The following C6 variants were observed in gnomAD, a reference collection of about 807,000 sequenced individuals.
C6 encodes the protein complement component C6.
In C6, 101 loss-of-function variants were observed where a neutral mutation model predicts 112.9. That is an observed-to-expected ratio of 0.89 (90% CI 0.76 to 1.06). The LOEUF (loss-of-function observed/expected upper bound fraction) is 1.06, where lower values mean the gene tolerates loss of function less well. Among genes scored for constraint, C6 ranks in the 50% least tolerant of loss-of-function variants. The probability of loss-of-function intolerance (pLI) is 0.00; values close to 1 mark genes in which losing one functional copy is unlikely to be tolerated. For missense variants in C6, 1,202 were observed against 1,104.6 expected, an observed-to-expected ratio of 1.09 and a Z score of -1.25; for synonymous variants, 431 against 384.1, an observed-to-expected ratio of 1.12 and a Z score of -1.43.
intron 1 of C6, among the ~76,000 whole-genome samples, chr5:41,225,845 A>T (rs1412629467): frequency 1.4e-4 from 22 of 152,210 alleles, no homozygotes; most frequent in Admixed American, 2.0e-4. Flanking sequence ...AAAACAAGCA[A>T]TGGGGAAAGG....
chr5:41,191,499 G>T (rs1002843176), intron 5 of C6, among the ~76,000 whole-genome samples: 16 of 152,002 alleles, frequency 1.1e-4, no homozygotes, highest in Admixed American at 2.0e-4. Context: ...AGATTGCTTC[G>T]GGCAGTTGAG....
chr5:41,203,591 C>A (rs185900229), intron 1 of C6: 2 of 265,076 alleles, frequency 7.5e-6, no homozygotes, highest in Admixed American at 9.4e-5. Context: ...TCTCAAAACA[C>A]CTGCTCCTTT....
At chr5:41,245,436 C>T (rs1740961049) in intron 1 of C6, among the ~76,000 whole-genome samples, 2 of 151,984 alleles carry the variant, frequency 1.3e-5, no homozygotes, top group African/African-American at 2.4e-5. Flanking sequence ...GCAGGAGAAT[C>T]GCTTGAACTC....
chr5:41,155,935 C>T (rs542343850), intron 13 of C6, among the ~76,000 whole-genome samples: 1 of 151,996 alleles, frequency 6.6e-6, no homozygotes, highest in Non-Finnish European at 1.5e-5. Context: ...GAGTGCAGAT[C>T]ATTTAAAAAT....
At chr5:41,157,130 C>T (rs2150254043) in intron 13 of C6, among the ~76,000 whole-genome samples, 1 of 152,194 alleles carries the variant, frequency 6.6e-6, no homozygotes, top group South Asian at 2.1e-4. Context: ...AATTTTATTA[C>T]ATTTGAGTAA....
chr5:41,216,564 C>T (rs1441664348), upstream of C6, among the ~76,000 whole-genome samples: 1 of 152,080 alleles, frequency 6.6e-6, no homozygotes, highest in Non-Finnish European at 1.5e-5. Context: ...CATCATATCA[C>T]AGAGATCACA....
intron 12 of C6, 35 bp downstream of exon 12, chr5:41,159,047 A>G (rs1479465197): frequency 1.9e-6 from 3 of 1,610,928 alleles, no homozygotes; most frequent in Non-Finnish European, 2.5e-6. Context: ...GAGTTAGGGC[A>G]AAATGACCCA....
chr5:41,233,119 A>G (rs933937417), intron 1 of C6, among the ~76,000 whole-genome samples: 5 of 152,058 alleles, frequency 3.3e-5, no homozygotes, highest in Non-Finnish European at 4.4e-5. Flanking sequence ...ACATTTATTC[A>G]TATAAAGTTT....
intron 1 of C6, among the ~76,000 whole-genome samples, chr5:41,259,790 A>C (rs1741931915): frequency 6.6e-6 from 1 of 152,176 alleles, no homozygotes; most frequent in South Asian, 2.1e-4. Context: ...TATCTCCCAA[A>C]TGTCGTACCT....
chr5:41,181,534 T>C lies in C6; in HGVS notation c.752A>G (p.Lys251Arg), dbSNP rs775365394. The change falls in exon 7 of 18, where the codon AAA becomes AGA. Residue 251 changes from lysine (K) to arginine (R), a missense_variant. Physicochemically the swap from Lys to Arg is conservative, Grantham distance 26. Transcript: ENST00000337836. The stretch of plus-strand genomic sequence containing the variant: ...AGTTAAATCCTTGTAGAAATCTGTT[T>C]TCAAGTCATCTTCTGCAGTTTGTAC... ...FEVQTAEDDLKTDFYKDLTSL... is the reference protein window; with the variant it reads ...FEVQTAEDDLRTDFYKDLTSL... The C allele has an allele frequency of 8.1e-6, 13 of 1,613,480 alleles. No homozygotes were observed. Among genetic ancestry groups the C allele is most frequent in the Non-Finnish European group, 3.4e-6 (4 of 1,179,756 alleles).
chr5:41,250,854 A>C (rs1741309431), intron 1 of C6, among the ~76,000 whole-genome samples: 1 of 152,216 alleles, frequency 6.6e-6, no homozygotes, highest in Non-Finnish European at 1.5e-5. Context: ...TTTATTATTT[A>C]GTAGGAAAGA....
chr5:41,176,612 T>C lies in C6; in HGVS notation c.1031A>G (p.His344Arg). ...AGCAGAGTTGTATTCTAGAGGCAGA[T>C]GGTTAAGTGCTTTCAAAAAGACATC... is the stretch of plus-strand genomic sequence containing the variant. Reference protein sequence around the residue: ...LSDVFLKALNHLPLEYNSALY... With the variant: ...LSDVFLKALNRLPLEYNSALY... The change falls in exon 8 of 18, where the codon CAT becomes CGT. Residue 344 changes from histidine to arginine, a missense_variant. Coordinates refer to ENST00000337836, the MANE Select transcript of C6 (RefSeq NM_000065.5). 4.3e-6 allele frequency: 7 copies of C among 1,613,932 alleles called. No homozygotes were observed. The highest frequency in any genetic ancestry group is 5.9e-6 in the Non-Finnish European group (7 of 1,179,886).
chr5:41,202,324 T>C lies in C6; in HGVS notation c.144-610A>G, dbSNP rs1449638290. 1.3e-5 allele frequency among the ~76,000 whole-genome samples: 2 copies of C among 152,180 alleles called. 1 individual carries two copies. The highest frequency in any genetic ancestry group is 2.9e-5 in the Non-Finnish European group (2 of 68,038). On this transcript the variant is annotated intron_variant, in intron 2 of 17. Coordinates refer to ENST00000337836, the MANE Select transcript of C6 (RefSeq NM_000065.5). ...TGTGTGACTGGCCAGGAATATTTGC[T>C]GTTCTTTTTAGGCAGCAGGGAGCTA...
At chr5:41,177,334 A>G (rs939700434) in intron 7 of C6, among the ~76,000 whole-genome samples, 44 of 152,318 alleles carry the variant, frequency 2.9e-4, no homozygotes, top group African/African-American at 1.0e-3. Context: ...CCATATGCAG[A>G]AATATATGAG....
chr5:41,249,368 C>G (rs1201443381), intron 1 of C6, among the ~76,000 whole-genome samples: 1 of 151,716 alleles, frequency 6.6e-6, no homozygotes, highest in Non-Finnish European at 1.5e-5. Context: ...CTTTTTTTCC[C>G]AATAGTTAAA....
chr5:41,191,759 C>A (rs1580155810), intron 5 of C6, among the ~76,000 whole-genome samples: 1 of 148,514 alleles, frequency 6.7e-6, no homozygotes, highest in Non-Finnish European at 1.5e-5. Context: ...GTGTATCCTG[C>A]AACTTTACTG....
At chr5:41,245,146 A>G (rs1174161164) in intron 1 of C6, among the ~76,000 whole-genome samples, 2 of 152,200 alleles carry the variant, frequency 1.3e-5, no homozygotes, top group Non-Finnish European at 2.9e-5. Flanking sequence ...TATCACAGTA[A>G]TGCTGATCAC....
intron 1 of C6, among the ~76,000 whole-genome samples, chr5:41,226,607 C>T (rs950153472): frequency 2.8e-4 from 42 of 152,132 alleles, no homozygotes; most frequent in African/African-American, 9.4e-4. Flanking sequence ...TCCCCCATTC[C>T]TATCACCTCC....
intron 15 of C6, among the ~76,000 whole-genome samples, chr5:41,151,918 A>T (rs554943549): frequency 2.0e-5 from 3 of 152,122 alleles, no homozygotes; most frequent in Admixed American, 6.6e-5. Flanking sequence ...TGAAATTCAG[A>T]TTTTCTTACA....
Sources: allele counts gnomAD v4.1 joint callset (sites outside exome capture counted in the v4.1 genomes callset), GRCh38; gene constraint gnomAD v4.1.1; transcripts MANE v1.5; gene names NCBI Gene and HGNC (gene_info 2026-07-23, HGNC 2026-07-21).